IMMP2L: variants seen among roughly 807,000 people sequenced by gnomAD.
IMMP2L encodes inner mitochondrial membrane peptidase subunit 2.
IMMP2L carries 18 observed loss-of-function variants against 19.3 expected under a neutral mutation model. The observed-to-expected ratio is 0.93, with a 90% CI of 0.64 to 1.38. The LOEUF is 1.38. Ranked by LOEUF, IMMP2L falls within the 40% of genes most tolerant of loss-of-function variation. The pLI, the probability that IMMP2L is intolerant of heterozygous loss-of-function variation, is 0.00. For synonymous variants in IMMP2L, 76 were observed against 73.0 expected (o/e 1.04, Z -0.21); for missense variants, 233 against 218.2 (o/e 1.07, Z -0.43).
chr7:110,793,092 A>C (rs1800582099), intron 5 of IMMP2L, among the ~76,000 whole-genome samples: 1 of 152,040 alleles, frequency 6.6e-6, no homozygotes, highest in Non-Finnish European at 1.5e-5. Context: ...AAATGGGGAG[A>C]AACTGGTCAA....
At chr7:110,892,795 C>T (rs258983) in intron 4 of IMMP2L, among the ~76,000 whole-genome samples, 72,848 of 151,936 alleles carry the variant, frequency 0.48, 18,289 homozygotes, top group East Asian at 0.83. Flanking sequence ...AAATAGAATT[C>T]GGCAATCTTA....
intron 2 of IMMP2L, among the ~76,000 whole-genome samples, chr7:111,517,966 C>G (rs955559437): frequency 6.6e-6 from 1 of 152,024 alleles, no homozygotes; most frequent in African/African-American, 2.4e-5. Flanking sequence ...AGCTATACGG[C>G]TTTATAAAAA....
At chr7:110,718,424 A>G (rs762783819) in intron 5 of IMMP2L, among the ~76,000 whole-genome samples, 13 of 152,202 alleles carry the variant, frequency 8.5e-5, no homozygotes, top group Non-Finnish European at 1.3e-4. Context: ...TGGAAGAGTA[A>G]ATAATAAATT....
At chr7:111,527,726 G>A (rs926469458) in intron 1 of IMMP2L, among the ~76,000 whole-genome samples, 3 of 152,084 alleles carry the variant, frequency 2.0e-5, no homozygotes, top group Admixed American at 6.6e-5. Context: ...CCTGAACACC[G>A]TTGCTCTTTC....
At chr7:110,850,397 A>C (rs1325774908) in intron 5 of IMMP2L, among the ~76,000 whole-genome samples, 1 of 152,118 alleles carries the variant, frequency 6.6e-6, no homozygotes, top group African/African-American at 2.4e-5. Context: ...CCTTTCTTTA[A>C]AAGTTTGAAA....
At chr7:110,790,959 A>G (rs1175745865) in intron 5 of IMMP2L, among the ~76,000 whole-genome samples, 1 of 151,636 alleles carries the variant, frequency 6.6e-6, no homozygotes, top group African/African-American at 2.4e-5. Flanking sequence ...GCACATACAG[A>G]TGGCCTAACT....
At chr7:111,075,116 CTTTTTTTTTT>C (rs55867543) in intron 3 of IMMP2L, among the ~76,000 whole-genome samples, 9 of 75,268 alleles carry the variant, frequency 1.2e-4, no homozygotes, top group East Asian at 3.6e-4. Context: ...TGTTTTCAGA[CTTTTTTTTTT>C]TTTTTTTTTT....
intron 3 of IMMP2L, among the ~76,000 whole-genome samples, chr7:111,249,611 A>C (rs2129631615): frequency 6.6e-6 from 1 of 152,276 alleles, no homozygotes; most frequent in South Asian, 2.1e-4. Flanking sequence ...CATTTAGAAG[A>C]GAAAGTCATA....
At chr7:111,079,181 G>C (rs1461072547) in intron 3 of IMMP2L, among the ~76,000 whole-genome samples, 2 of 150,044 alleles carry the variant, frequency 1.3e-5, no homozygotes, top group East Asian at 1.9e-4. Context: ...GCAGTGGCGG[G>C]ATCTCGGCTC....
chr7:110,952,156 T>C (rs1817895145), intron 4 of IMMP2L, among the ~76,000 whole-genome samples: 1 of 152,130 alleles, frequency 6.6e-6, no homozygotes, highest in African/African-American at 2.4e-5. Flanking sequence ...AAAAAAAACA[T>C]AAATTAATAT....
chr7:111,121,667 T>C (rs1472587399), intron 3 of IMMP2L, among the ~76,000 whole-genome samples: 1 of 152,180 alleles, frequency 6.6e-6, no homozygotes. Flanking sequence ...TAGAAGACAG[T>C]GTGGCGATTC....
At chr7:111,469,043 T>C (rs1033136877) in intron 3 of IMMP2L, among the ~76,000 whole-genome samples, 9 of 151,992 alleles carry the variant, frequency 5.9e-5, no homozygotes, top group African/African-American at 2.2e-4. Flanking sequence ...GGCAAGAAGT[T>C]AAGAGCAGTG....
At chr7:111,279,550 G>A (rs1342990852) in intron 3 of IMMP2L, among the ~76,000 whole-genome samples, 2 of 152,050 alleles carry the variant, frequency 1.3e-5, no homozygotes, top group Admixed American at 6.6e-5. Context: ...AGTGAATTAC[G>A]AAAACCCTTT....
intron 3 of IMMP2L, among the ~76,000 whole-genome samples, chr7:111,483,153 G>A (rs955791486): frequency 6.6e-6 from 1 of 151,938 alleles, no homozygotes; most frequent in African/African-American, 2.4e-5. Context: ...TTAATATTAG[G>A]GGATTTGTGG....
intron 1 of IMMP2L, among the ~76,000 whole-genome samples, chr7:111,555,429 C>T (rs1039413767): frequency 1.4e-5 from 2 of 145,748 alleles, no homozygotes; most frequent in East Asian, 2.1e-4. Flanking sequence ...AAGGAGTAGG[C>T]AAACAAAGCG....
chr7:111,296,664 A>G (rs1223872730), intron 3 of IMMP2L, among the ~76,000 whole-genome samples: 2 of 151,970 alleles, frequency 1.3e-5, no homozygotes, highest in African/African-American at 4.8e-5. Context: ...CTTAGTACAC[A>G]CTTAGCACTC....
At chr7:111,391,959 C>T (rs1832397910) in intron 3 of IMMP2L, 2 of 703,074 alleles carry the variant, frequency 2.8e-6, no homozygotes, top group African/African-American at 3.5e-5. Flanking sequence ...CTTAGGCTAA[C>T]TCTTCTCGGT....
chr7:111,328,073 A>G (rs1017150777), intron 3 of IMMP2L, among the ~76,000 whole-genome samples: 1 of 151,836 alleles, frequency 6.6e-6, no homozygotes, highest in Non-Finnish European at 1.5e-5. Context: ...ATGACCTCTC[A>G]GTCATAATAG....
intron 3 of IMMP2L, among the ~76,000 whole-genome samples, chr7:111,271,532 T>C (rs78621191): frequency 0.013 from 2,030 of 152,250 alleles, 47 homozygotes; most frequent in African/African-American, 0.046. Flanking sequence ...TAACACAGAT[T>C]GTTGGGCCTC....
Sources: allele counts gnomAD v4.1 joint callset (sites outside exome capture counted in the v4.1 genomes callset), GRCh38; gene constraint gnomAD v4.1.1; transcripts MANE v1.5; gene names NCBI Gene and HGNC (gene_info 2026-07-23, HGNC 2026-07-21).